The following DAPK1 variants were observed in gnomAD, a reference collection of about 807,000 sequenced individuals.
DAPK1 encodes the protein death associated protein kinase 1.
In DAPK1, 56 loss-of-function variants were observed where a neutral mutation model predicts 144.9. The ratio of observed to expected loss-of-function variants is 0.39; its 90% CI spans 0.31 to 0.48. The LOEUF (loss-of-function observed/expected upper bound fraction) is 0.48, where lower values mean the gene tolerates loss of function less well. Ranked by LOEUF, DAPK1 falls within the 20% of genes least tolerant of loss-of-function variation. The pLI is 0.95. For synonymous variants in DAPK1, 690 were observed against 749.0 expected (o/e 0.92, Z 1.29); for missense variants, 1,454 against 1,875.4 (o/e 0.78, Z 4.15).
intron 6 of DAPK1, 32 bp from the exon 7 acceptor site, chr9:87,639,757 A>T (rs1005141315): frequency 1.2e-6 from 2 of 1,612,746 alleles, no homozygotes; most frequent in Non-Finnish European, 1.7e-6. Context: ...TTCTTCTGAC[A>T]TGTTTTTTTG....
At chr9:87,625,217 G>C (rs1385563426) in intron 3 of DAPK1, among the ~76,000 whole-genome samples, 1 of 150,596 alleles carries the variant, frequency 6.6e-6, no homozygotes, top group Non-Finnish European at 1.5e-5. Context: ...TAGATCTCGG[G>C]TCGCTATAGG....
chr9:87,517,745 A>G (rs1358840296), intron 2 of DAPK1, among the ~76,000 whole-genome samples: 2 of 152,228 alleles, frequency 1.3e-5, no homozygotes, highest in Non-Finnish European at 2.9e-5. Context: ...AGTGGGTCCC[A>G]GATCACTCTC....
chr9:87,563,955 C>A (rs1827023967), intron 2 of DAPK1, among the ~76,000 whole-genome samples: 2 of 152,216 alleles, frequency 1.3e-5, no homozygotes, highest in African/African-American at 4.8e-5. Context: ...GACCTTCTTG[C>A]CACAATGGCA....
At chr9:87,601,179 C>T (rs3739784) in intron 2 of DAPK1, among the ~76,000 whole-genome samples, 8,069 of 152,296 alleles carry the variant, frequency 0.053, 373 homozygotes, top group East Asian at 0.24. Flanking sequence ...AATTAGACCT[C>T]ACAAAGCAAA....
chr9:87,539,333 G>A (rs1016491197), intron 2 of DAPK1, among the ~76,000 whole-genome samples: 9 of 151,748 alleles, frequency 5.9e-5, no homozygotes, highest in African/African-American at 9.7e-5. Context: ...CCTTGGTGTC[G>A]CTTTCTGAGC....
intron 3 of DAPK1, among the ~76,000 whole-genome samples, chr9:87,634,395 T>C (rs372931347): frequency 2.6e-5 from 4 of 152,348 alleles, no homozygotes; most frequent in South Asian, 4.1e-4. Flanking sequence ...AGGACATCTC[T>C]TCTTCCTGGG....
rs550533331 is a variant in DAPK1, at chr9:87,676,873, T to C, written c.2002-4531T>C. On this transcript the variant is annotated intron_variant, in intron 19 of 25. Coordinates refer to ENST00000408954, the MANE Select transcript of DAPK1 (RefSeq NM_004938.4). Reference sequence around the variant, plus strand: ...CACATCCCTGTCTGTTCCTGTCTCCTCTGCTTCTGAGGAACCTGCCACCTC... The same window carrying C: ...CACATCCCTGTCTGTTCCTGTCTCCCCTGCTTCTGAGGAACCTGCCACCTC... Among the ~76,000 whole-genome samples the C allele has an allele frequency of 2.0e-5, 3 of 152,340 alleles. No individual in the cohort carries two copies. The East Asian group carries it at 5.8e-4, about 29-fold the overall frequency.
chr9:87,529,739 G>A (rs1825640358), intron 2 of DAPK1, among the ~76,000 whole-genome samples: 1 of 152,228 alleles, frequency 6.6e-6, no homozygotes, highest in Non-Finnish European at 1.5e-5. Context: ...AGGCTGCCTG[G>A]AGCAAAGAAG....
intron 2 of DAPK1, among the ~76,000 whole-genome samples, chr9:87,534,062 C>CT (rs1224731490): frequency 1.3e-5 from 2 of 151,726 alleles, no homozygotes; most frequent in Non-Finnish European, 2.9e-5. Flanking sequence ...AAACACTTTT[C>CT]TTAGACTGTG....
At chr9:87,666,234 A>T (rs1282424150) in intron 18 of DAPK1, among the ~76,000 whole-genome samples, 3 of 152,078 alleles carry the variant, frequency 2.0e-5, no homozygotes, top group African/African-American at 7.2e-5. Context: ...GCCATTTTCC[A>T]TCTTGCAGAT....
Position 87,583,012 on chromosome 9 carries a change from C to T in DAPK1, c.63-21942C>T, listed in dbSNP as rs190025321. ...TTTGTCAAGAAGCGGTTGACCTCTG[C>T]GATCTCGGGATTTGTCTTCTCCAGG... On this transcript the variant is annotated intron_variant, in intron 2 of 25. Transcript: ENST00000408954. Among the ~76,000 whole-genome samples the T allele has an allele frequency of 3.8e-3, 578 of 152,116 alleles. 3 individuals carry two copies. Among genetic ancestry groups the T allele is most frequent in the Middle Eastern group, 0.027 (8 of 294 alleles).
At chr9:87,512,946 C>T (rs983688499) in intron 2 of DAPK1, among the ~76,000 whole-genome samples, 3 of 151,618 alleles carry the variant, frequency 2.0e-5, no homozygotes, top group Non-Finnish European at 4.4e-5. Context: ...CATGCCTGGC[C>T]GAGAGGCTGC....
intron 2 of DAPK1, among the ~76,000 whole-genome samples, chr9:87,573,805 AT>A (rs376310026): frequency 2.6e-5 from 4 of 152,290 alleles, no homozygotes; most frequent in African/African-American, 9.6e-5. Context: ...TATAATTCTA[AT>A]GAGAGCTCAT....
intron 2 of DAPK1, among the ~76,000 whole-genome samples, chr9:87,505,048 G>A (rs1824535263): frequency 1.3e-5 from 2 of 152,116 alleles, no homozygotes; most frequent in East Asian, 3.9e-4. Flanking sequence ...CTTCCACCTT[G>A]TTCTCTTCCC....
intron 2 of DAPK1, among the ~76,000 whole-genome samples, chr9:87,513,831 C>T (rs7850799): frequency 0.23 from 34,520 of 152,078 alleles, 4,307 homozygotes; most frequent in East Asian, 0.42. Context: ...GCCTGTTTTT[C>T]GCCTTGCTTC....
intron 2 of DAPK1, among the ~76,000 whole-genome samples, chr9:87,541,047 A>G (rs1826031864): frequency 6.6e-6 from 1 of 152,244 alleles, no homozygotes; most frequent in Non-Finnish European, 1.5e-5. Context: ...AATACTTCAG[A>G]TTCCTCAAAC....
rs373759742 is a variant in DAPK1, at chr9:87,706,799, G to A, written c.3728G>A (p.Arg1243Gln). 3.2e-5 allele frequency: 51 copies of A among 1,613,428 alleles called. No homozygotes were observed. The highest frequency in any genetic ancestry group is 4.0e-5 in the Non-Finnish European group (47 of 1,179,892). ...CATTACCTGAGCCCCCAGCAGCTGCGGGAGCACCATGAGCCCGTCATGATC... is the reference window on the plus strand; with the variant it reads ...CATTACCTGAGCCCCCAGCAGCTGCAGGAGCACCATGAGCCCGTCATGATC... ...VKHYLSPQQL[R>Q]EHHEPVMIYQ... The change falls in exon 26 of 26, where the codon CGG (arginine) becomes CAG (glutamine). Residue 1243 changes from arginine (R) to glutamine (Q), a missense_variant. By Grantham distance (43) the Arg-to-Gln change is conservative. Around this residue, in one of 2 missense-constraint regions of DAPK1, gnomAD observed 1,025 missense variants for 1,237.9 expected, o/e 0.83. Coordinates refer to ENST00000408954, the MANE Select transcript of DAPK1 (RefSeq NM_004938.4). The surrounding 1 kb of genome is among the most constrained non-coding windows in gnomAD (Gnocchi z 9.0).
At chr9:87,586,569 A>G (rs1382397969) in intron 2 of DAPK1, among the ~76,000 whole-genome samples, 1 of 152,194 alleles carries the variant, frequency 6.6e-6, no homozygotes, top group African/African-American at 2.4e-5. Flanking sequence ...AATAATTGAC[A>G]CTAGTGCTTA....
chr9:87,586,791 T>C (rs1827954004), intron 2 of DAPK1, among the ~76,000 whole-genome samples: 2 of 152,232 alleles, frequency 1.3e-5, no homozygotes, highest in Non-Finnish European at 2.9e-5. Flanking sequence ...TTAATTCGAG[T>C]GTCCTAAAAG....
Sources: allele counts gnomAD v4.1 joint callset (sites outside exome capture counted in the v4.1 genomes callset), GRCh38; gene constraint gnomAD v4.1.1; regional missense constraint gnomAD v4.1.1; non-coding constraint Gnocchi (gnomAD v3.1); transcripts MANE v1.5; gene names NCBI Gene and HGNC (gene_info 2026-07-23, HGNC 2026-07-21).